Variants in LRBA observed in about 807,000 individuals in gnomAD.
LRBA encodes LPS responsive beige-like anchor protein.
A neutral mutation model predicts 330.0 loss-of-function variants in LRBA; 176 were observed. The observed-to-expected ratio is 0.53, with a 90% confidence interval of 0.47 to 0.60. LRBA has a LOEUF of 0.60. LRBA is among the 20% of genes least tolerant of loss of function. The pLI is 0.00. For synonymous variants in LRBA, 1,230 were observed against 1,193.0 expected (o/e 1.03, Z -0.64); for missense variants, 3,259 against 3,444.8 (o/e 0.95, Z 1.35).
chr4:150,390,792 A>T (rs954744703), intron 47 of LRBA, among the ~76,000 whole-genome samples: 1 of 152,168 alleles, frequency 6.6e-6, no homozygotes, highest in Non-Finnish European at 1.5e-5. Flanking sequence ...GACACAGAAA[A>T]TTCTGATAAA....
At chr4:150,968,808 T>G (rs1334683447) in intron 2 of LRBA, among the ~76,000 whole-genome samples, 1 of 152,198 alleles carries the variant, frequency 6.6e-6, no homozygotes, top group Non-Finnish European at 1.5e-5. Flanking sequence ...CATCTAGGAC[T>G]TTCCTAGATA....
chr4:150,947,635 T>C (rs1283015486), intron 2 of LRBA, among the ~76,000 whole-genome samples: 4 of 152,028 alleles, frequency 2.6e-5, no homozygotes, highest in Non-Finnish European at 4.4e-5. Context: ...GGCTAAGACA[T>C]GCACTCTCAC....
intron 37 of LRBA, among the ~76,000 whole-genome samples, chr4:150,622,085 T>C (rs954295161): frequency 1.3e-5 from 2 of 152,168 alleles, no homozygotes; most frequent in African/African-American, 4.8e-5. Flanking sequence ...CCCTGTTGAA[T>C]GTCATGGGCT....
chr4:150,872,517 G>A, intron 18 of LRBA, 146 bp downstream of exon 18: 1 of 515,424 alleles, frequency 1.9e-6, no homozygotes, highest in East Asian at 3.5e-5. Context: ...TTTAAAATAT[G>A]TACTAGTGGG....
chr4:150,630,894 T>C (rs915660835), intron 37 of LRBA, among the ~76,000 whole-genome samples: 1 of 152,134 alleles, frequency 6.6e-6, no homozygotes, highest in Non-Finnish European at 1.5e-5. Flanking sequence ...TTTTGTTGCC[T>C]AAAACTATCT....
rs538764476 is a variant in LRBA at position 150,555,503 on chromosome 4, C to A, written c.6330+32545G>T. On this transcript the variant is annotated intron_variant, in intron 40 of 56. Coordinates refer to ENST00000651943, the MANE Select transcript of LRBA (RefSeq NM_001364905.1). ...GCTGGGTGCACGCCTGTAATCCCAG[C>A]ACTTTGGGAGGCCAAGGTGGGCGGA... 2.6e-5 allele frequency among the ~76,000 whole-genome samples: 4 copies of A among 152,282 alleles called. No homozygotes were observed. The East Asian group carries it at 7.7e-4, about 29-fold the overall frequency.
At chr4:150,506,011 C>T (rs1215147941) in intron 40 of LRBA, among the ~76,000 whole-genome samples, 1 of 152,210 alleles carries the variant, frequency 6.6e-6, no homozygotes, top group Non-Finnish European at 1.5e-5. Context: ...CATACATCCT[C>T]CCAAGATTAA....
At chr4:150,873,489 C>G (rs952857400) in intron 17 of LRBA, among the ~76,000 whole-genome samples, 1 of 151,888 alleles carries the variant, frequency 6.6e-6, no homozygotes, top group African/African-American at 2.4e-5. Context: ...TCTCGGGAGG[C>G]TGAGGCAGGA....
At chr4:150,454,240 T>TG in intron 44 of LRBA, among the ~76,000 whole-genome samples, 1 of 152,244 alleles carries the variant, frequency 6.6e-6, no homozygotes, top group African/African-American at 2.4e-5. Flanking sequence ...ATTACAGGCG[T>TG]GAGCCACCAC....
At chr4:150,824,744 C>T (rs1468702489) in intron 30 of LRBA, among the ~76,000 whole-genome samples, 1 of 151,992 alleles carries the variant, frequency 6.6e-6, no homozygotes, top group African/African-American at 2.4e-5. Context: ...TTCTTGCATC[C>T]CCAGAATAAA....
chr4:150,708,258 A>C (rs550526399), intron 36 of LRBA, among the ~76,000 whole-genome samples: 3 of 151,864 alleles, frequency 2.0e-5, no homozygotes, highest in Non-Finnish European at 4.4e-5. Context: ...AGATAACTCA[A>C]TTCTGTTCAG....
chr4:150,672,451 G>C lies in LRBA; in HGVS notation c.5921+11100C>G, dbSNP rs191795051. ...TACCATAAACTTCAGAAATGTAAAA[G>C]TAAAACTAAGAAAATGTACATCTAC... On this transcript the variant is annotated intron_variant, in intron 37 of 56. Coordinates refer to ENST00000651943, the MANE Select transcript of LRBA (RefSeq NM_001364905.1). Among the ~76,000 whole-genome samples, 852 of 151,734 alleles carry C rather than the reference G, an allele frequency of 5.6e-3. 6 individuals carry two copies. The highest frequency in any genetic ancestry group is 0.012 in the South Asian group (57 of 4,806).
chr4:150,667,952 A>G (rs960727131), intron 37 of LRBA, among the ~76,000 whole-genome samples: 11 of 152,254 alleles, frequency 7.2e-5, no homozygotes, highest in African/African-American at 2.7e-4. Flanking sequence ...CTGAACTTCC[A>G]GAACAACTGT....
At position 150,831,875 on chromosome 4, in the gene LRBA, T is replaced by C; in HGVS notation, c.4671A>G (p.Glu1557=). The change falls in exon 29 of 57, where the codon GAA becomes GAG. Residue 1557 remains glutamate, a synonymous_variant. Coordinates refer to ENST00000651943, the MANE Select transcript of LRBA (RefSeq NM_001364905.1). The stretch of plus-strand genomic sequence containing the variant: ...TTTCTGTACATGACTGGCTATGCCT[T>C]TCATTTTGGGGTTCCAAAATGTCTC... The part of the protein sequence containing the change: ...KYRDILEPQN[E]RHSQSCTETG... 1.2e-6 allele frequency: 2 copies of C among 1,605,224 alleles called. No individual in the cohort carries two copies. The highest frequency in any genetic ancestry group is 1.7e-6 in the Non-Finnish European group (2 of 1,175,588).
intron 47 of LRBA, among the ~76,000 whole-genome samples, chr4:150,370,065 T>C (rs1049810632): frequency 6.6e-6 from 1 of 152,202 alleles, no homozygotes; most frequent in Non-Finnish European, 1.5e-5. Flanking sequence ...GATAACTCTA[T>C]CTTAAAACTT....
At chr4:150,864,315 T>C (rs1752398430) in intron 22 of LRBA, among the ~76,000 whole-genome samples, 1 of 152,172 alleles carries the variant, frequency 6.6e-6, no homozygotes, top group South Asian at 2.1e-4. Context: ...CTGCTTATTA[T>C]ATTAGGAATT....
chr4:150,604,928 C>T (rs912887878), intron 37 of LRBA, among the ~76,000 whole-genome samples: 2 of 152,124 alleles, frequency 1.3e-5, no homozygotes, highest in African/African-American at 4.8e-5. Flanking sequence ...GTGGCAGTTG[C>T]ACAGTCAGTA....
At chr4:151,001,562 A>G (rs1318651199) in intron 2 of LRBA, among the ~76,000 whole-genome samples, 1 of 152,028 alleles carries the variant, frequency 6.6e-6, no homozygotes, top group Non-Finnish European at 1.5e-5. Flanking sequence ...TGCCGCTACC[A>G]CCACAGCTGG....
chr4:150,382,297 T>A (rs777852819), intron 47 of LRBA, among the ~76,000 whole-genome samples: 2 of 152,104 alleles, frequency 1.3e-5, no homozygotes, highest in African/African-American at 4.8e-5. Flanking sequence ...TTTGTGTCAA[T>A]AGAGATTTGC....
Sources: gnomAD v4.1 joint callset for allele counts (sites outside exome capture counted in the v4.1 genomes callset) on GRCh38, gnomAD v4.1.1 for gene constraint, MANE v1.5 for transcripts, NCBI Gene and HGNC (gene_info 2026-07-23, HGNC 2026-07-21) for gene names.